Variants in PLEKHA7 observed in about 807,000 individuals in gnomAD.
PLEKHA7 encodes the protein pleckstrin homology domain containing A7, also known as pleckstrin homology domain-containing family A member 7.
A neutral mutation model predicts 170.0 loss-of-function variants in PLEKHA7; 104 were observed. The ratio of observed to expected loss-of-function variants is 0.61; its 90% CI spans 0.52 to 0.72. PLEKHA7 has a LOEUF of 0.72. Ranked by LOEUF, PLEKHA7 falls within the 30% of genes least tolerant of loss-of-function variation. PLEKHA7 has a pLI of 0.00. For missense variants in PLEKHA7, 1,615 were observed against 1,671.7 expected (o/e 0.97, Z 0.59); for synonymous variants, 648 against 660.8 (o/e 0.98, Z 0.30).
chr11:16,783,612 C>A, intron 25 of PLEKHA7, 88 bp downstream of exon 25: 1 of 1,302,314 alleles, frequency 7.7e-7, no homozygotes, highest in Non-Finnish European at 9.8e-7. Context: ...AAACACGCAC[C>A]CCAGCCAGCC....
At chr11:16,956,086 G>C (rs17700056) in intron 3 of PLEKHA7, among the ~76,000 whole-genome samples, 38,362 of 152,132 alleles carry the variant, frequency 0.25, 5,829 homozygotes, top group Non-Finnish European at 0.36. Flanking sequence ...TGTTCTTTTT[G>C]TACTTTCCAC....
chr11:17,008,829 C>T (rs1423172178), intron 3 of PLEKHA7, among the ~76,000 whole-genome samples: 1 of 152,156 alleles, frequency 6.6e-6, no homozygotes, highest in Non-Finnish European at 1.5e-5. Flanking sequence ...CCATGAAACC[C>T]CTGAAGAGCA....
chr11:17,014,090 T>TGC, intron 2 of PLEKHA7, 35 bp downstream of exon 2: 3 of 1,583,822 alleles, frequency 1.9e-6, no homozygotes, highest in Non-Finnish European at 2.6e-6. Flanking sequence ...GGGCCGCCGC[T>TGC]GCGCGCGCCC....
intron 3 of PLEKHA7, among the ~76,000 whole-genome samples, chr11:16,890,892 A>AT (rs1273446568): frequency 8.6e-5 from 13 of 151,798 alleles, no homozygotes; most frequent in East Asian, 1.9e-4. Flanking sequence ...AAAAATATAC[A>AT]TTTTTTTTCT....
chr11:16,984,555 C>T (rs2136889075), intron 3 of PLEKHA7, among the ~76,000 whole-genome samples: 1 of 152,266 alleles, frequency 6.6e-6, no homozygotes, highest in African/African-American at 2.4e-5. Context: ...ATGGCTTGAT[C>T]AGATCTCTAC....
At chr11:16,793,953 G>A (rs1387122261) in intron 19 of PLEKHA7, among the ~76,000 whole-genome samples, 1 of 152,108 alleles carries the variant, frequency 6.6e-6, no homozygotes, top group Non-Finnish European at 1.5e-5. Flanking sequence ...TAGGCTCTTA[G>A]TTTTCTTCTC....
chr11:16,904,176 T>C (rs1439007206), intron 3 of PLEKHA7, among the ~76,000 whole-genome samples: 1 of 152,236 alleles, frequency 6.6e-6, no homozygotes, highest in Non-Finnish European at 1.5e-5. Flanking sequence ...TATCATTTAT[T>C]GAAATCATTT....
At chr11:16,947,275 T>C (rs980122834) in intron 3 of PLEKHA7, among the ~76,000 whole-genome samples, 2 of 152,136 alleles carry the variant, frequency 1.3e-5, no homozygotes, top group Admixed American at 6.5e-5. Flanking sequence ...TTATTGAAAA[T>C]GGTATAGAGG....
At chr11:16,885,416 T>C (rs912495318) in intron 3 of PLEKHA7, among the ~76,000 whole-genome samples, 9 of 151,238 alleles carry the variant, frequency 6.0e-5, no homozygotes, top group African/African-American at 2.2e-4. Context: ...CCCAGCACTT[T>C]GGGAGGCTGA....
intron 3 of PLEKHA7, among the ~76,000 whole-genome samples, chr11:16,888,422 G>C (rs1023430376): frequency 4.2e-4 from 64 of 152,424 alleles, no homozygotes; most frequent in Non-Finnish European, 6.3e-4. Context: ...TGTGGGGAGG[G>C]GATGGAGAGG....
At chr11:16,876,095 T>G (rs1855272376) in intron 3 of PLEKHA7, among the ~76,000 whole-genome samples, 1 of 152,142 alleles carries the variant, frequency 6.6e-6, no homozygotes. Flanking sequence ...CTGGCTTTAC[T>G]CGCTGTCCCT....
At chr11:16,876,821 AGT>A (rs1855332322) in intron 3 of PLEKHA7, among the ~76,000 whole-genome samples, 1 of 152,220 alleles carries the variant, frequency 6.6e-6, no homozygotes, top group African/African-American at 2.4e-5. Context: ...TAATATGAGC[AGT>A]GACTCCTGTT....
chr11:16,968,483 G>T (rs1165752685), intron 3 of PLEKHA7, among the ~76,000 whole-genome samples: 1 of 152,146 alleles, frequency 6.6e-6, no homozygotes, highest in African/African-American at 2.4e-5. Context: ...TCCTCCAGGG[G>T]TCCTCTGGAT....
At chr11:16,929,196 C>G (rs1859758839) in intron 3 of PLEKHA7, among the ~76,000 whole-genome samples, 1 of 152,176 alleles carries the variant, frequency 6.6e-6, no homozygotes, top group Non-Finnish European at 1.5e-5. Flanking sequence ...TGATACGGCC[C>G]CAGTTGGTGC....
intron 3 of PLEKHA7, among the ~76,000 whole-genome samples, chr11:16,882,114 A>G (rs1855758873): frequency 6.6e-6 from 1 of 152,196 alleles, no homozygotes; most frequent in African/African-American, 2.4e-5. Context: ...TTTCACAGCT[A>G]TGTTCCAGGG....
At chr11:16,813,032 G>C in intron 13 of PLEKHA7, 81 bp downstream of exon 13, 1 of 1,255,030 alleles carries the variant, frequency 8.0e-7, no homozygotes, top group Non-Finnish European at 1.2e-6. Flanking sequence ...TCTGGCCTTT[G>C]GCTTTGGGCT....
chr11:16,786,697 C>T (rs1184640344), intron 23 of PLEKHA7: 1 of 985,288 alleles, frequency 1.0e-6, no homozygotes, highest in African/African-American at 1.7e-5. Context: ...GACCTCCAAA[C>T]AACTTGGGAC....
chr11:16,907,278 C>T (rs1299245833), intron 3 of PLEKHA7, among the ~76,000 whole-genome samples: 1 of 145,638 alleles, frequency 6.9e-6, no homozygotes, highest in Admixed American at 6.7e-5. Flanking sequence ...AGCCCCCCGC[C>T]CGGCCAGCCG....
chr11:16,886,629 T>C (rs775207149), intron 3 of PLEKHA7, among the ~76,000 whole-genome samples: 3 of 150,042 alleles, frequency 2.0e-5, no homozygotes, highest in Non-Finnish European at 4.4e-5. Flanking sequence ...GAGAATTGCT[T>C]GAACCCAGGA....
Sources: gnomAD v4.1 joint callset for allele counts (sites outside exome capture counted in the v4.1 genomes callset) on GRCh38, gnomAD v4.1.1 for gene constraint, MANE v1.5 for transcripts, NCBI Gene and HGNC (gene_info 2026-07-23, HGNC 2026-07-21) for gene names.